The following GRM4 variants were observed in gnomAD, a reference collection of about 807,000 sequenced individuals.
The protein encoded by GRM4 is metabotropic glutamate receptor 4.
GRM4 carries 28 observed loss-of-function variants against 81.7 expected under a neutral mutation model. The ratio of observed to expected loss-of-function variants is 0.34; its 90% CI spans 0.25 to 0.47. The LOEUF is 0.47. Ranked by LOEUF, GRM4 falls within the 20% of genes least tolerant of loss-of-function variation. The pLI is 1.00. For synonymous variants in GRM4, 488 were observed against 528.8 expected (o/e 0.92, Z 1.06); for missense variants, 948 against 1,290.0 (o/e 0.73, Z 4.06).
chr6:34,086,148 C>A (rs2127482254), intron 3 of GRM4, among the ~76,000 whole-genome samples: 1 of 152,342 alleles, frequency 6.6e-6, no homozygotes, highest in Admixed American at 6.5e-5. Context: ...TCCACCTCAT[C>A]CCCGTGGAGC....
At chr6:34,134,797 C>A (rs1770389192) in intron 1 of GRM4, among the ~76,000 whole-genome samples, 1 of 151,926 alleles carries the variant, frequency 6.6e-6, no homozygotes, top group Admixed American at 6.6e-5. Flanking sequence ...TTATTAAGAT[C>A]ATCATCATCA....
chr6:34,120,453 T>C (rs558810705), intron 2 of GRM4, among the ~76,000 whole-genome samples: 1 of 152,190 alleles, frequency 6.6e-6, no homozygotes, highest in Non-Finnish European at 1.5e-5. Flanking sequence ...ATTGATTTTG[T>C]GTCTGTGTCC....
intron 2 of GRM4, chr6:34,101,990 G>T: frequency 6.5e-7 from 1 of 1,533,402 alleles, no homozygotes; most frequent in Non-Finnish European, 8.7e-7. Flanking sequence ...TGCCCTAGTG[G>T]CCAGGTCAGG....
chr6:34,137,590 T>C (rs889165939), intron 1 of GRM4, among the ~76,000 whole-genome samples: 26 of 149,210 alleles, frequency 1.7e-4, no homozygotes, highest in African/African-American at 5.9e-4. Context: ...CCCTTTTTTT[T>C]CTTTTTTTTT....
chr6:34,084,142 C>T (rs982764642), intron 3 of GRM4, among the ~76,000 whole-genome samples: 3 of 152,168 alleles, frequency 2.0e-5, no homozygotes, highest in Non-Finnish European at 2.9e-5. Flanking sequence ...CCATGGAGGG[C>T]GAGGATGCAG....
chr6:34,127,568 G>A (rs983260779), intron 2 of GRM4, among the ~76,000 whole-genome samples: 2 of 152,290 alleles, frequency 1.3e-5, no homozygotes, highest in East Asian at 3.9e-4. Flanking sequence ...TTCCATCTGG[G>A]TTTTAGAAAG....
chr6:34,051,285 G>T (rs1044821337), intron 6 of GRM4, among the ~76,000 whole-genome samples: 4 of 152,184 alleles, frequency 2.6e-5, no homozygotes, highest in African/African-American at 9.7e-5. Context: ...TGTAATGTGG[G>T]TTGCTCCAAA....
intron 2 of GRM4, among the ~76,000 whole-genome samples, chr6:34,096,976 G>A (rs994916193): frequency 2.0e-5 from 3 of 152,120 alleles, no homozygotes; most frequent in Admixed American, 6.5e-5. Context: ...GGGCTAGAGC[G>A]TGTGTCCTTG....
chr6:34,100,242 C>A (rs1768762072), intron 2 of GRM4, among the ~76,000 whole-genome samples: 1 of 152,214 alleles, frequency 6.6e-6, no homozygotes, highest in African/African-American at 2.4e-5. Context: ...GGGCCCTTGG[C>A]CTCCCTTGCT....
rs3222082 is a variant in GRM4 at position 34,069,647 on chromosome 6, A to AGTGTGTGTGTGTGTGT, written c.737-7635_737-7620dup. On this transcript the variant is annotated intron_variant, in intron 3 of 10. Coordinates refer to ENST00000538487, the MANE Select transcript of GRM4 (RefSeq NM_000841.4). The surrounding 1 kb of genome is among the most constrained non-coding windows in gnomAD (Gnocchi z 6.4). The stretch of plus-strand genomic sequence containing the variant: ...GGCTTTACAACCCTTGGCAGCCCCC[A>AGTGTGTGTGTGTGTGT]GTGTGTGTGTGTGTGTGTGTGTGTG... Among the ~76,000 whole-genome samples the AGTGTGTGTGTGTGTGT allele has an allele frequency of 6.6e-4, 95 of 144,490 alleles. No homozygotes were observed. Among genetic ancestry groups the AGTGTGTGTGTGTGTGT allele is most frequent in the African/African-American group, 2.0e-3 (82 of 40,478 alleles). The allele number at this position is 144,490 out of a possible 152,430, so 94.8% of individuals were successfully genotyped here. A position where few individuals can be genotyped will look rare whatever the true frequency, so the allele number is the denominator to read the frequency against.
In GRM4 at chr6:34,123,222, G is replaced by A. The variant is rs563136716; in HGVS notation, c.519+9756C>T. The stretch of plus-strand genomic sequence containing the variant: ...ATAGAGAGCCAGAGATCACCCCAGC[G>A]CCCGCAGCAGGGCCACCCAACAGTG... On this transcript the variant is annotated intron_variant, in intron 2 of 10. Coordinates refer to ENST00000538487, the MANE Select transcript of GRM4 (RefSeq NM_000841.4). Among the ~76,000 whole-genome samples, 3 of 152,246 alleles carry A rather than the reference G, an allele frequency of 2.0e-5. No homozygotes were observed. In the South Asian group the frequency reaches 6.2e-4, roughly 32 times the overall value.
At chr6:34,110,899 T>C (rs1769348584) in intron 2 of GRM4, 1 of 1,271,698 alleles carries the variant, frequency 7.9e-7, no homozygotes, top group South Asian at 2.4e-5. Flanking sequence ...CAGGGCAGGC[T>C]GGGAGTATGG....
chr6:34,046,645 G>C (rs1257266299), intron 6 of GRM4, among the ~76,000 whole-genome samples: 1 of 152,196 alleles, frequency 6.6e-6, no homozygotes, highest in African/African-American at 2.4e-5. Flanking sequence ...CTGCTCTCAG[G>C]GGCATGAGCC....
rs1364610241 is a variant in GRM4 at position 34,034,348 on chromosome 6, T to C, written c.2442+1320A>G. 6.6e-6 allele frequency among the ~76,000 whole-genome samples: 1 copy of C among 152,118 alleles called. No individual in the cohort carries two copies. Among genetic ancestry groups the C allele is most frequent in the African/African-American group, 2.4e-5 (1 of 41,418 alleles). On this transcript the variant is annotated intron_variant, in intron 9 of 10. Transcript: ENST00000538487. The surrounding 1 kb of genome is among the most constrained non-coding windows in gnomAD (Gnocchi z 4.0). Reference sequence around the variant, plus strand: ...CGTCTCCCACCCAACGTGCCATCCATTGGAAACCTGACCAGCCAGTCTCCA... The same window carrying C: ...CGTCTCCCACCCAACGTGCCATCCACTGGAAACCTGACCAGCCAGTCTCCA...
At position 34,034,654 on chromosome 6, in the gene GRM4, T is replaced by C. The variant is rs1388087967; in HGVS notation, c.2442+1014A>G. On this transcript the variant is annotated intron_variant, in intron 9 of 10. Coordinates refer to ENST00000538487, the MANE Select transcript of GRM4 (RefSeq NM_000841.4). This position sits in a 1 kb window ranked among gnomAD's most constrained non-coding sequence, Gnocchi z 4.0. Reference sequence around the variant, plus strand: ...ACACTCCTTACAGTGTATTAACTGTTTGTGCACCCACTGTGTCATGTGATT... The same window carrying C: ...ACACTCCTTACAGTGTATTAACTGTCTGTGCACCCACTGTGTCATGTGATT... 6.6e-6 allele frequency among the ~76,000 whole-genome samples: 1 copy of C among 152,176 alleles called. No individual in the cohort carries two copies. The highest frequency in any genetic ancestry group is 1.5e-5 in the Non-Finnish European group (1 of 68,012).
At chr6:34,065,286 C>T (rs1373020606) in intron 3 of GRM4, among the ~76,000 whole-genome samples, 2 of 152,134 alleles carry the variant, frequency 1.3e-5, no homozygotes, top group African/African-American at 2.4e-5. Context: ...CTGGGCCACA[C>T]GACTAACACT....
intron 2 of GRM4, among the ~76,000 whole-genome samples, chr6:34,108,006 T>C (rs536565845): frequency 1.3e-3 from 196 of 152,264 alleles, no homozygotes; most frequent in African/African-American, 4.3e-3. Flanking sequence ...GCTGAGTGGT[T>C]CCCCTCTGGG....
At chr6:34,125,426 C>G (rs946435787) in intron 2 of GRM4, among the ~76,000 whole-genome samples, 1 of 152,172 alleles carries the variant, frequency 6.6e-6, no homozygotes. Context: ...GGACTCGAGG[C>G]ATCTGGGTCA....
intron 2 of GRM4, among the ~76,000 whole-genome samples, chr6:34,113,517 G>A (rs1360989200): frequency 2.6e-5 from 4 of 152,318 alleles, no homozygotes; most frequent in East Asian, 1.9e-4. Flanking sequence ...AAACAGATGC[G>A]GGTCCTTGTG....
Sources: gnomAD v4.1 joint callset for allele counts (sites outside exome capture counted in the v4.1 genomes callset) on GRCh38, gnomAD v4.1.1 for gene constraint, Gnocchi (gnomAD v3.1) non-coding constraint, MANE v1.5 for transcripts, NCBI Gene and HGNC (gene_info 2026-07-23, HGNC 2026-07-21) for gene names.